The following NETO1 variants were observed in gnomAD, a reference collection of about 807,000 sequenced individuals.
NETO1 encodes the protein neuropilin and tolloid like 1, also known as neuropilin and tolloid-like protein 1.
NETO1 carries 26 observed loss-of-function variants against 61.3 expected under a neutral mutation model. The ratio of observed to expected loss-of-function variants is 0.42; its 90% confidence interval spans 0.31 to 0.59. The LOEUF (loss-of-function observed/expected upper bound fraction) is 0.59, where lower values mean the gene tolerates loss of function less well. Among genes scored for constraint, NETO1 ranks in the 20% least tolerant of loss-of-function variants. The pLI, the probability that NETO1 is intolerant of heterozygous loss-of-function variation, is 0.12. For missense variants in NETO1, 531 were observed against 662.8 expected, an observed-to-expected ratio of 0.80 and a Z score of 2.18; for synonymous variants, 225 against 225.8, an observed-to-expected ratio of 1.00 and a Z score of 0.03.
At position 72,867,492 on chromosome 18, in the gene NETO1, C is replaced by T. The variant is rs1299843225; in HGVS notation, c.-201G>A. 3.3e-5 allele frequency: 13 copies of T among 397,044 alleles called. No individual in the cohort carries two copies. The highest frequency in any genetic ancestry group is 4.9e-5 in the Non-Finnish European group (11 of 224,564). 24.6% of individuals were successfully genotyped at this position (397,044 alleles called of 1,614,324 possible). ...AGCCAGATCCGGATGAGTCCGTCCT[C>T]CGCCCCGGGCGGGCTCTCGCTCTCG... On this transcript the variant is annotated 5_prime_UTR_variant, in exon 1 of 11. Coordinates refer to ENST00000327305, the MANE Select transcript of NETO1 (RefSeq NM_138966.5).
At chr18:72,748,873 G>C in intron 10 of NETO1, 141 bp downstream of exon 10, 1 of 670,270 alleles carries the variant, frequency 1.5e-6, no homozygotes, top group South Asian at 1.6e-5. Flanking sequence ...TGAACCCATC[G>C]TATTTCTAAT....
At chr18:72,758,612 G>A (rs1488523336) in intron 7 of NETO1, among the ~76,000 whole-genome samples, 1 of 152,046 alleles carries the variant, frequency 6.6e-6, no homozygotes, top group Non-Finnish European at 1.5e-5. Context: ...TGAGGTGGGC[G>A]AATCACCTGA....
chr18:72,806,060 A>G (rs1019404318), intron 4 of NETO1, among the ~76,000 whole-genome samples: 2 of 152,180 alleles, frequency 1.3e-5, no homozygotes, highest in Non-Finnish European at 2.9e-5. Context: ...GTATTTGTGT[A>G]GGCTTCGTGG....
chr18:72,766,218 A>ATT (rs1491112327), intron 7 of NETO1, among the ~76,000 whole-genome samples: 1 of 75,300 alleles, frequency 1.3e-5, no homozygotes, highest in Non-Finnish European at 2.8e-5. Flanking sequence ...AAAAAAAAAA[A>ATT]TATGTGTGTG....
intron 4 of NETO1, among the ~76,000 whole-genome samples, chr18:72,803,996 T>C (rs1215687301): frequency 6.6e-6 from 1 of 152,058 alleles, no homozygotes. Context: ...AAAATGTAAA[T>C]AATGCCATTC....
chr18:72,811,090 C>T (rs2145204111), intron 4 of NETO1, among the ~76,000 whole-genome samples: 1 of 152,278 alleles, frequency 6.6e-6, no homozygotes, highest in East Asian at 1.9e-4. Flanking sequence ...CCATATCCGC[C>T]ATGGTGTTCT....
intron 4 of NETO1, among the ~76,000 whole-genome samples, chr18:72,825,713 C>G (rs1411701178): frequency 6.6e-6 from 1 of 152,110 alleles, no homozygotes. Context: ...ATGTGTTACA[C>G]AAATCTTTGT....
chr18:72,795,970 A>G (rs2072296710), intron 4 of NETO1, among the ~76,000 whole-genome samples: 1 of 152,204 alleles, frequency 6.6e-6, no homozygotes, highest in Non-Finnish European at 1.5e-5. Flanking sequence ...ATCAATGACT[A>G]CATGTTAAAG....
At chr18:72,826,749 G>A (rs550997519) in intron 4 of NETO1, among the ~76,000 whole-genome samples, 9 of 152,258 alleles carry the variant, frequency 5.9e-5, no homozygotes, top group African/African-American at 1.9e-4. Context: ...GAAGCCTAGG[G>A]TGAGTGTTCC....
At chr18:72,799,709 G>A (rs1248604301) in intron 4 of NETO1, among the ~76,000 whole-genome samples, 1 of 152,250 alleles carries the variant, frequency 6.6e-6, no homozygotes, top group Non-Finnish European at 1.5e-5. Context: ...CAGCTCTGAG[G>A]AGTTGGATGC....
intron 4 of NETO1, among the ~76,000 whole-genome samples, chr18:72,841,558 C>T (rs542240571): frequency 6.6e-6 from 1 of 151,672 alleles, no homozygotes; most frequent in African/African-American, 2.4e-5. Context: ...CATGGTAAAA[C>T]CCCCATCTCT....
chr18:72,817,304 G>A (rs767528440), intron 4 of NETO1, among the ~76,000 whole-genome samples: 5 of 152,134 alleles, frequency 3.3e-5, no homozygotes, highest in Non-Finnish European at 5.9e-5. Context: ...ATATGGAAAC[G>A]AATCAAGTCC....
rs1265197711 is a variant in NETO1, at chr18:72,747,900, T to C, written c.*279A>G. On this transcript the variant is annotated 3_prime_UTR_variant, in exon 11 of 11. Coordinates refer to ENST00000327305, the MANE Select transcript of NETO1 (RefSeq NM_138966.5). ...AATAAAAATAAAGTTGGGATAGTCTTAATCGGGAACTAATTTCTTCTTCAA... is the reference window on the plus strand; with the variant it reads ...AATAAAAATAAAGTTGGGATAGTCTCAATCGGGAACTAATTTCTTCTTCAA... 6.5e-6 allele frequency: 1 copy of C among 152,850 alleles called. No individual in the cohort carries two copies. The highest frequency in any genetic ancestry group is 2.4e-5 in the African/African-American group (1 of 41,452). The allele number at this position is 152,850 out of a possible 1,614,324, so 9.5% of individuals were successfully genotyped here.
intron 4 of NETO1, among the ~76,000 whole-genome samples, chr18:72,824,770 G>T (rs6566662): frequency 0.81 from 122,021 of 151,408 alleles, 49,899 homozygotes; most frequent in Non-Finnish European, 0.86. Context: ...TCCCAGCTAC[G>T]CCGGAGGCTA....
At chr18:72,863,874 A>G (rs982469931) in intron 3 of NETO1, among the ~76,000 whole-genome samples, 2 of 152,140 alleles carry the variant, frequency 1.3e-5, no homozygotes, top group African/African-American at 4.8e-5. Flanking sequence ...TGGAATACTG[A>G]AAACTTCCAT....
At chr18:72,842,691 G>A (rs1211408971) in intron 4 of NETO1, among the ~76,000 whole-genome samples, 1 of 152,152 alleles carries the variant, frequency 6.6e-6, no homozygotes, top group Non-Finnish European at 1.5e-5. Flanking sequence ...TGTTGACAAT[G>A]GGATAGCTCA....
chr18:72,767,817 T>C (rs1438949156), intron 7 of NETO1, among the ~76,000 whole-genome samples: 1 of 152,134 alleles, frequency 6.6e-6, no homozygotes, highest in Non-Finnish European at 1.5e-5. Flanking sequence ...TTATACAATT[T>C]TATTTCATTT....
intron 9 of NETO1, among the ~76,000 whole-genome samples, chr18:72,749,304 T>C (rs1207142728): frequency 6.6e-6 from 1 of 152,176 alleles, no homozygotes; most frequent in East Asian, 1.9e-4. Context: ...AACTAAATGC[T>C]AGTAAACATG....
At chr18:72,848,201 G>C (rs1017639231) in intron 4 of NETO1, among the ~76,000 whole-genome samples, 1 of 151,954 alleles carries the variant, frequency 6.6e-6, no homozygotes, top group African/African-American at 2.4e-5. Context: ...ATATTCACAG[G>C]CTCCAGACTC....
Sources: allele counts gnomAD v4.1 joint callset (sites outside exome capture counted in the v4.1 genomes callset), GRCh38; gene constraint gnomAD v4.1.1; transcripts MANE v1.5; gene names NCBI Gene and HGNC (gene_info 2026-07-23, HGNC 2026-07-21).